PAPPA: variants seen among roughly 807,000 people sequenced by gnomAD.
The protein encoded by PAPPA is pappalysin-1.
PAPPA carries 60 observed loss-of-function variants against 164.0 expected under a neutral mutation model. The observed-to-expected ratio is 0.37, with a 90% confidence interval of 0.30 to 0.45. The LOEUF (loss-of-function observed/expected upper bound fraction) is 0.45. Among genes scored for constraint, PAPPA ranks in the 20% least tolerant of loss-of-function variants. PAPPA has a pLI of 1.00. For missense variants in PAPPA, 1,782 were observed against 2,087.3 expected, an observed-to-expected ratio of 0.85 and a Z score of 2.85; for synonymous variants, 875 against 814.1, an observed-to-expected ratio of 1.07 and a Z score of -1.27.
intron 11 of PAPPA, 106 bp downstream of exon 11, chr9:116,331,463 T>A: frequency 2.8e-6 from 2 of 707,400 alleles, no homozygotes; most frequent in Non-Finnish European, 5.1e-6. Flanking sequence ...CTGAGGGTGT[T>A]AATTGTAAGA....
At chr9:116,350,265 C>A (rs1248555070) in intron 15 of PAPPA, among the ~76,000 whole-genome samples, 1 of 152,186 alleles carries the variant, frequency 6.6e-6, no homozygotes, top group Non-Finnish European at 1.5e-5. Flanking sequence ...AGGCCAGTGC[C>A]AAGAAGACAA....
At chr9:116,393,736 G>C (rs1846924512) in intron 21 of PAPPA, among the ~76,000 whole-genome samples, 1 of 152,144 alleles carries the variant, frequency 6.6e-6, no homozygotes, top group African/African-American at 2.4e-5. Flanking sequence ...ATGAAAAAGA[G>C]CTGGCCAGGG....
chr9:116,333,392 C>T (rs1424452117), intron 12 of PAPPA, among the ~76,000 whole-genome samples: 1 of 152,168 alleles, frequency 6.6e-6, no homozygotes, highest in African/African-American at 2.4e-5. Context: ...CCTATGACAC[C>T]TTCACACTTC....
chr9:116,334,726 T>A, intron 12 of PAPPA, 135 bp from the exon 13 acceptor site: 2 of 636,758 alleles, frequency 3.1e-6, no homozygotes, highest in Non-Finnish European at 5.6e-6. Flanking sequence ...CTCAAAATCC[T>A]CACCGGCCGC....
At chr9:116,336,720 G>C (rs1172228088) in intron 13 of PAPPA, among the ~76,000 whole-genome samples, 1 of 152,214 alleles carries the variant, frequency 6.6e-6, no homozygotes, top group Non-Finnish European at 1.5e-5. Flanking sequence ...AACATTGAAT[G>C]AGGGCAAAAT....
At chr9:116,332,621 C>A in intron 12 of PAPPA, 153 bp downstream of exon 12, 1 of 676,190 alleles carries the variant, frequency 1.5e-6, no homozygotes, top group Non-Finnish European at 2.4e-6. Context: ...GCCCTCAAAT[C>A]AAGATGTGGT....
chr9:116,335,988 T>C (rs762603796), intron 13 of PAPPA, among the ~76,000 whole-genome samples: 2 of 152,180 alleles, frequency 1.3e-5, no homozygotes, highest in Non-Finnish European at 2.9e-5. Context: ...CAGAATTTTT[T>C]GTAAAGTTCT....
chr9:116,209,212 A>G (rs1844276873), intron 3 of PAPPA, among the ~76,000 whole-genome samples: 1 of 152,190 alleles, frequency 6.6e-6, no homozygotes, highest in Non-Finnish European at 1.5e-5. Flanking sequence ...CTTATATCAC[A>G]TGCCTAGTAT....
chr9:116,222,193 C>T (rs1413750347), intron 5 of PAPPA, among the ~76,000 whole-genome samples: 1 of 152,126 alleles, frequency 6.6e-6, no homozygotes, highest in Non-Finnish European at 1.5e-5. Context: ...ACATTATTCA[C>T]AATAGCTAAA....
At chr9:116,380,069 A>G (rs1356180466) in intron 20 of PAPPA, among the ~76,000 whole-genome samples, 1 of 152,040 alleles carries the variant, frequency 6.6e-6, no homozygotes, top group Non-Finnish European at 1.5e-5. Context: ...AAATCTTTCT[A>G]CTTTTTAATA....
At chr9:116,229,168 C>T (rs1291907587) in intron 6 of PAPPA, among the ~76,000 whole-genome samples, 4 of 152,160 alleles carry the variant, frequency 2.6e-5, no homozygotes, top group African/African-American at 7.2e-5. Context: ...CATGAAATAT[C>T]ACAACACTAT....
intron 1 of PAPPA, among the ~76,000 whole-genome samples, chr9:116,155,696 G>T (rs1269515358): frequency 1.3e-5 from 2 of 152,154 alleles, no homozygotes; most frequent in Non-Finnish European, 2.9e-5. Context: ...GGGCAGTTCT[G>T]CTTCTTCCTG....
intron 9 of PAPPA, among the ~76,000 whole-genome samples, chr9:116,277,616 A>C (rs889515891): frequency 2.0e-5 from 3 of 152,152 alleles, no homozygotes; most frequent in African/African-American, 4.8e-5. Flanking sequence ...CTGCCTGACA[A>C]GTGTTATAGA....
intron 21 of PAPPA, among the ~76,000 whole-genome samples, chr9:116,392,530 T>C (rs1437335476): frequency 1.3e-5 from 2 of 152,352 alleles, no homozygotes; most frequent in Admixed American, 6.5e-5. Flanking sequence ...GTGTGTACAA[T>C]GGTATTCACC....
intron 2 of PAPPA, among the ~76,000 whole-genome samples, chr9:116,203,886 G>T (rs1267228173): frequency 6.6e-6 from 1 of 152,180 alleles, no homozygotes; most frequent in Non-Finnish European, 1.5e-5. Flanking sequence ...ATTCTTAAGG[G>T]TTGGGCATAA....
At chr9:116,333,263 A>G (rs1186071287) in intron 12 of PAPPA, among the ~76,000 whole-genome samples, 3 of 152,198 alleles carry the variant, frequency 2.0e-5, no homozygotes, top group African/African-American at 7.2e-5. Flanking sequence ...CTTGCTTCAC[A>G]TACACAGCAA....
intron 7 of PAPPA, among the ~76,000 whole-genome samples, chr9:116,250,813 G>A (rs892092995): frequency 2.6e-5 from 4 of 152,162 alleles, no homozygotes; most frequent in African/African-American, 7.2e-5. Flanking sequence ...TGAACTTAGC[G>A]CTCCTAATTC....
chr9:116,335,367 T>C (rs1846048627), intron 13 of PAPPA, among the ~76,000 whole-genome samples: 1 of 152,162 alleles, frequency 6.6e-6, no homozygotes, highest in Non-Finnish European at 1.5e-5. Flanking sequence ...TTTCCTTCTC[T>C]GAGCTTCAGT....
At chr9:116,279,642 G>A (rs1304180250) in intron 9 of PAPPA, among the ~76,000 whole-genome samples, 5 of 152,178 alleles carry the variant, frequency 3.3e-5, no homozygotes, top group Admixed American at 3.3e-4. Flanking sequence ...GCCTTTGAAA[G>A]GCAGCCAGAG....
Sources: allele counts gnomAD v4.1 joint callset (sites outside exome capture counted in the v4.1 genomes callset), GRCh38; gene constraint gnomAD v4.1.1; transcripts MANE v1.5; gene names NCBI Gene and HGNC (gene_info 2026-07-23, HGNC 2026-07-21).